The following MCF2L variants were observed in gnomAD, a reference collection of about 807,000 sequenced individuals.
The protein encoded by MCF2L is MCF.2 cell line derived transforming sequence like, also known as guanine nucleotide exchange factor DBS.
In MCF2L, 97 loss-of-function variants were observed where a neutral mutation model predicts 153.4. The observed-to-expected ratio is 0.63, with a 90% CI of 0.54 to 0.75. The LOEUF (loss-of-function observed/expected upper bound fraction) is 0.75, where lower values mean the gene tolerates loss of function less well. MCF2L is among the 30% of genes least tolerant of loss of function. The pLI is 0.00. For synonymous variants in MCF2L, 659 were observed against 632.2 expected (o/e 1.04, Z -0.64); for missense variants, 1,347 against 1,495.2 (o/e 0.90, Z 1.64).
intron 2 of MCF2L, among the ~76,000 whole-genome samples, chr13:112,959,587 C>G (rs771236605): frequency 6.6e-6 from 1 of 152,154 alleles, no homozygotes; most frequent in Non-Finnish European, 1.5e-5. Context: ...CTGTCTAGGT[C>G]TGAGCTGTTC....
chr13:112,999,943 A>G (rs7333734), intron 1 of MCF2L, among the ~76,000 whole-genome samples: 305 of 94,540 alleles, frequency 3.2e-3, no homozygotes, highest in Non-Finnish European at 4.2e-3. Context: ...GAATGAAGAC[A>G]CCGGAGGGCC....
At chr13:112,909,268 G>A (rs760338514) in intron 2 of MCF2L, 7 of 779,602 alleles carry the variant, frequency 9.0e-6, no homozygotes, top group African/African-American at 1.7e-5. Context: ...TCGGCATCTC[G>A]TCCACAGTGA....
rs142632039 is a variant in MCF2L, at chr13:112,917,703, C to G, written c.169+15332C>G. Among the ~76,000 whole-genome samples, 44 of 152,368 alleles carry G rather than the reference C, an allele frequency of 2.9e-4. 1 individual carries two copies. The highest frequency in any genetic ancestry group is 8.9e-4 in the African/African-American group (37 of 41,594). Reference sequence around the variant, plus strand: ...TGTTCTTTCAGGCCCTCCTTGGTGTCTTCCTGTTCAGCTCTGACCTGGAGG... The same window carrying G: ...TGTTCTTTCAGGCCCTCCTTGGTGTGTTCCTGTTCAGCTCTGACCTGGAGG... On this transcript the variant is annotated intron_variant, in intron 2 of 29. Transcript: ENST00000375608.
At chr13:112,995,708 AC>A (rs1195676127) in intron 1 of MCF2L, among the ~76,000 whole-genome samples, 2 of 151,870 alleles carry the variant, frequency 1.3e-5, no homozygotes, top group Non-Finnish European at 2.9e-5. Flanking sequence ...CTGTCACCGA[AC>A]CCTCCTTCCA....
chr13:112,944,145 G>A (rs1023550653), intron 2 of MCF2L, among the ~76,000 whole-genome samples: 4 of 149,670 alleles, frequency 2.7e-5, no homozygotes, highest in African/African-American at 7.4e-5. Flanking sequence ...ATCCTAGGCC[G>A]TGAAGGGAGG....
At chr13:112,940,496 C>T (rs533289171) in intron 2 of MCF2L, among the ~76,000 whole-genome samples, 3 of 152,236 alleles carry the variant, frequency 2.0e-5, no homozygotes, top group Non-Finnish European at 2.9e-5. Flanking sequence ...GGCTGTGTAC[C>T]GCCTGGCCCA....
chr13:112,973,662 G>A (rs1207808699), intron 1 of MCF2L, among the ~76,000 whole-genome samples: 2 of 152,234 alleles, frequency 1.3e-5, no homozygotes, highest in Non-Finnish European at 2.9e-5. Flanking sequence ...GGCTTCACCT[G>A]TGGAACCAGG....
chr13:113,088,408 G>A lies in MCF2L; in HGVS notation c.2767+3G>A, dbSNP rs769832550. Reference sequence around the variant, plus strand: ...CAGCCAGCTGCAGGCTTGTAGAGGTGAGGCTGTCTTCAAGCGATCGTTTCC... The same window carrying A: ...CAGCCAGCTGCAGGCTTGTAGAGGTAAGGCTGTCTTCAAGCGATCGTTTCC... On this transcript the variant is annotated splice_donor_region_variant and intron_variant, in intron 24 of 29. Coordinates refer to ENST00000535094, the MANE Select transcript of MCF2L (RefSeq NM_001112732.3). 1.9e-6 allele frequency: 3 copies of A among 1,613,874 alleles called. No individual in the cohort carries two copies. The highest frequency in any genetic ancestry group is 2.5e-6 in the Non-Finnish European group (3 of 1,179,968).
Position 113,077,061 on chromosome 13 carries a change from C to T in MCF2L, c.1510C>T (p.Arg504Ter), listed in dbSNP as rs761420211. Residue 504 changes from arginine to a stop codon, truncating the protein, a stop_gained, in exon 13 of 30, where the codon CGA (arginine) becomes TGA (stop). Transcript: ENST00000535094. LOFTEE classifies it high-confidence loss of function. ...ILNQDLMEHVRKVFQKQASME... is the reference protein window; with the variant it reads ...ILNQDLMEHV Reference sequence around the variant, plus strand: ...GAGCATGCGGTTTCAGGAGCACGTGCGAAAGGTCTTCCAGAAGCAGGCAAG... The same window carrying T: ...GAGCATGCGGTTTCAGGAGCACGTGTGAAAGGTCTTCCAGAAGCAGGCAAG... 2.5e-6 allele frequency: 4 copies of T among 1,611,296 alleles called. No homozygotes were observed. The highest frequency in any genetic ancestry group is 8.5e-7 in the Non-Finnish European group (1 of 1,178,882).
chr13:112,988,367 G>C (rs1379598395), intron 1 of MCF2L, among the ~76,000 whole-genome samples: 2 of 152,214 alleles, frequency 1.3e-5, no homozygotes, highest in Admixed American at 6.5e-5. Context: ...GCCAGCACCT[G>C]CCCGGTGTGG....
Position 113,087,818 on chromosome 13 carries a change from C to T in MCF2L, c.2688+19C>T. Reference sequence around the variant, plus strand: ...CGTCCAGGTGGGCCACCCACCCTACCCCTGGCCTCTTACACATTGCCACGA... The same window carrying T: ...CGTCCAGGTGGGCCACCCACCCTACTCCTGGCCTCTTACACATTGCCACGA... On this transcript the variant is annotated intron_variant, in intron 23 of 29. Coordinates refer to ENST00000535094, the MANE Select transcript of MCF2L (RefSeq NM_001112732.3). 1.2e-6 allele frequency: 2 copies of T among 1,603,764 alleles called. No individual in the cohort carries two copies. Among genetic ancestry groups the T allele is most frequent in the African/African-American group, 1.3e-5 (1 of 74,798 alleles).
At chr13:112,924,280 G>C (rs1057392729) in intron 2 of MCF2L, among the ~76,000 whole-genome samples, 2 of 152,086 alleles carry the variant, frequency 1.3e-5, no homozygotes, top group African/African-American at 4.8e-5. Context: ...TACAGAGACA[G>C]CACAGACACG....
intron 16 of MCF2L, 36 bp from the exon 17 acceptor site, chr13:113,082,391 C>A (rs1256971493): frequency 7.3e-7 from 1 of 1,366,426 alleles, no homozygotes; most frequent in African/African-American, 1.4e-5. Context: ...AGCATCAGGC[C>A]CAGGACCCCC....
intron 1 of MCF2L, among the ~76,000 whole-genome samples, chr13:112,975,642 G>A (rs138355795): frequency 2.2e-3 from 334 of 152,306 alleles, no homozygotes; most frequent in African/African-American, 7.8e-3. Context: ...AGCCGCTGCC[G>A]TGGTCATCCT....
At chr13:113,091,588 G>T (rs1430778499) in intron 26 of MCF2L, among the ~76,000 whole-genome samples, 3 of 150,512 alleles carry the variant, frequency 2.0e-5, no homozygotes, top group Non-Finnish European at 4.4e-5. Flanking sequence ...GACACTTCCT[G>T]CTGGGAACAC....
intron 17 of MCF2L, 96 bp from the exon 18 acceptor site, chr13:113,083,902 C>CGTA (rs2034391155): frequency 1.1e-6 from 1 of 897,972 alleles, no homozygotes; most frequent in African/African-American, 1.6e-5. Flanking sequence ...CAGAGCAAGG[C>CGTA]GTAACAGGCT....
At chr13:113,057,750 G>T (rs1207807829) in intron 4 of MCF2L, among the ~76,000 whole-genome samples, 1 of 143,994 alleles carries the variant, frequency 6.9e-6, no homozygotes, top group African/African-American at 2.6e-5. Flanking sequence ...GTGCTGAGTG[G>T]GCACTGAGTG....
chr13:113,059,360 G>A (rs1419747810), intron 4 of MCF2L, among the ~76,000 whole-genome samples: 1 of 152,228 alleles, frequency 6.6e-6, no homozygotes, highest in African/African-American at 2.4e-5. Flanking sequence ...GAGTGTGGCT[G>A]GGGCAGTGCC....
intron 26 of MCF2L, chr13:113,094,120 C>G (rs141484489): frequency 6.4e-6 from 1 of 156,822 alleles, no homozygotes; most frequent in East Asian, 1.9e-4. Flanking sequence ...CTTCCCGGCT[C>G]GGTCTGCTAG....
Sources: allele counts gnomAD v4.1 joint callset (sites outside exome capture counted in the v4.1 genomes callset), GRCh38; gene constraint gnomAD v4.1.1; transcripts MANE v1.5; gene names NCBI Gene and HGNC (gene_info 2026-07-23, HGNC 2026-07-21).